EYS: variants seen among roughly 807,000 people sequenced by gnomAD.
The protein encoded by EYS is protein eyes shut homolog.
Under a neutral mutation model 282.1 loss-of-function variants are expected in EYS, and 250 were observed. The observed-to-expected ratio is 0.89, with a 90% CI of 0.80 to 0.98. The LOEUF is 0.98. Among genes scored for constraint, EYS ranks in the 50% least tolerant of loss-of-function variants. The pLI, the probability that EYS is intolerant of heterozygous loss-of-function variation, is 0.00. For missense variants in EYS, 4,016 were observed against 3,709.0 expected (o/e 1.08, Z -2.15); for synonymous variants, 1,355 against 1,282.9 (o/e 1.06, Z -1.20).
At chr6:65,371,980 T>C (rs185506229) in intron 8 of EYS, among the ~76,000 whole-genome samples, 72 of 122,616 alleles carry the variant, frequency 5.9e-4, no homozygotes, top group African/African-American at 2.1e-3. Flanking sequence ...GTCACTCTTG[T>C]TGAGGATAAT....
chr6:64,996,503 T>G (rs185943550), intron 14 of EYS, among the ~76,000 whole-genome samples: 3 of 152,292 alleles, frequency 2.0e-5, no homozygotes, highest in South Asian at 4.1e-4. Context: ...TAGTGTCACA[T>G]GTCCACTTCT....
In EYS at chr6:64,959,337, A is replaced by T. The variant is rs9363298; in HGVS notation, c.2260-13423T>A. ...TGTAGAATGTGTTATTATTGACATA[A>T]TCATTACTCCTCTCCTCAGAGTAAT... On this transcript the variant is annotated intron_variant, in intron 14 of 42. Transcript: ENST00000503581. Among the ~76,000 whole-genome samples the T allele has an allele frequency of 9.8e-5, 15 of 152,314 alleles. No individual in the cohort carries two copies. The East Asian group carries it at 2.9e-3, about 29-fold the overall frequency.
At chr6:64,710,774 A>T (rs1771184824) in intron 22 of EYS, among the ~76,000 whole-genome samples, 1 of 152,256 alleles carries the variant, frequency 6.6e-6, no homozygotes, top group Non-Finnish European at 1.5e-5. Flanking sequence ...TGATTGGGGC[A>T]GATTGCCATT....
chr6:64,658,148 G>T (rs976179567), intron 22 of EYS, among the ~76,000 whole-genome samples: 16 of 152,086 alleles, frequency 1.1e-4, no homozygotes, highest in Admixed American at 8.5e-4. Flanking sequence ...TAACAAATCG[G>T]CTACTGAGGC....
At chr6:64,663,788 G>T (rs1769129230) in intron 22 of EYS, among the ~76,000 whole-genome samples, 1 of 152,164 alleles carries the variant, frequency 6.6e-6, no homozygotes, top group Admixed American at 6.5e-5. Context: ...CAAGCCTCTT[G>T]CACTCTGACC....
At chr6:64,186,344 T>C (rs929724607) in intron 31 of EYS, among the ~76,000 whole-genome samples, 1 of 151,882 alleles carries the variant, frequency 6.6e-6, no homozygotes, top group Non-Finnish European at 1.5e-5. Flanking sequence ...GGGAGCCAAA[T>C]GCAATATACA....
At chr6:63,838,709 T>C (rs1771872494) in intron 36 of EYS, among the ~76,000 whole-genome samples, 1 of 152,138 alleles carries the variant, frequency 6.6e-6, no homozygotes. Context: ...GATAAGGCCT[T>C]TTCTCCTAAA....
intron 2 of EYS, among the ~76,000 whole-genome samples, chr6:65,560,960 G>C (rs974578390): frequency 1.7e-4 from 26 of 151,874 alleles, no homozygotes; most frequent in Non-Finnish European, 1.3e-4. Context: ...AGACCTATTG[G>C]TACTTTGTTA....
intron 31 of EYS, among the ~76,000 whole-genome samples, chr6:64,217,602 GATA>G (rs1326750000): frequency 6.6e-6 from 1 of 151,934 alleles, no homozygotes. Flanking sequence ...TTTACATCTT[GATA>G]ATAATGTGTT....
At chr6:65,046,871 C>T (rs1006855062) in intron 13 of EYS, among the ~76,000 whole-genome samples, 15 of 151,914 alleles carry the variant, frequency 9.9e-5, no homozygotes, top group Middle Eastern at 3.4e-3. Flanking sequence ...AAATGGCTTT[C>T]GTCACCCCTT....
intron 33 of EYS, among the ~76,000 whole-genome samples, chr6:64,062,335 C>T (rs187762611): frequency 8.5e-4 from 129 of 152,314 alleles, no homozygotes; most frequent in African/African-American, 3.0e-3. Flanking sequence ...TCTATTTTCC[C>T]TGCCCTCTGG....
chr6:64,816,355 G>T (rs555274202), intron 21 of EYS, among the ~76,000 whole-genome samples: 2 of 152,226 alleles, frequency 1.3e-5, no homozygotes, highest in Non-Finnish European at 1.5e-5. Flanking sequence ...CAAGCTGCAG[G>T]ATTGGGCAAT....
chr6:65,310,546 C>T (rs1769129004), intron 11 of EYS, among the ~76,000 whole-genome samples: 1 of 152,000 alleles, frequency 6.6e-6, no homozygotes. Flanking sequence ...AATAAAAAAA[C>T]CCAAACTCTT....
chr6:65,456,034 AAAG>A (rs1435055360), intron 5 of EYS, among the ~76,000 whole-genome samples: 1 of 119,314 alleles, frequency 8.4e-6, no homozygotes, highest in Admixed American at 8.4e-5. Flanking sequence ...GGAAGGGAAG[AAAG>A]AAAGAAAGAG....
At chr6:64,048,912 C>G (rs1348781058) in intron 33 of EYS, among the ~76,000 whole-genome samples, 2 of 152,006 alleles carry the variant, frequency 1.3e-5, no homozygotes, top group South Asian at 2.1e-4. Context: ...TCTTTTCCCC[C>G]CCTAGATGTT....
chr6:64,286,018 A>G (rs1768486933), intron 30 of EYS, among the ~76,000 whole-genome samples: 1 of 152,196 alleles, frequency 6.6e-6, no homozygotes, highest in Non-Finnish European at 1.5e-5. Context: ...AAATGGACAA[A>G]TAGGATATGC....
chr6:65,177,702 AT>A lies in EYS; in HGVS notation c.2023+118160del, dbSNP rs992588943. On this transcript the variant is annotated intron_variant, in intron 12 of 42. Transcript: ENST00000503581. Reference sequence around the variant, plus strand: ...GTTTCTCTAAATGGACAAATGAACAATTTTTTTTTCATGTTGGCAAATTTTA... The same window carrying A: ...GTTTCTCTAAATGGACAAATGAACAATTTTTTTTCATGTTGGCAAATTTTA... Among the ~76,000 whole-genome samples, 152 of 150,926 alleles carry A rather than the reference AT, an allele frequency of 1.0e-3. 1 individual carries two copies. The highest frequency in any genetic ancestry group is 3.4e-3 in the African/African-American group (142 of 41,234).
intron 12 of EYS, among the ~76,000 whole-genome samples, chr6:65,283,847 T>G (rs566830374): frequency 1.3e-5 from 2 of 152,112 alleles, no homozygotes; most frequent in African/African-American, 2.4e-5. Flanking sequence ...ATGGGCTGTA[T>G]TTGAGCTTTG....
intron 26 of EYS, among the ~76,000 whole-genome samples, chr6:64,478,227 T>C (rs556962147): frequency 6.6e-6 from 1 of 152,008 alleles, no homozygotes; most frequent in Non-Finnish European, 1.5e-5. Context: ...TGCAATTTTA[T>C]TAATATATTA....
Sources: gnomAD v4.1 joint callset for allele counts (sites outside exome capture counted in the v4.1 genomes callset) on GRCh38, gnomAD v4.1.1 for gene constraint, MANE v1.5 for transcripts, NCBI Gene and HGNC (gene_info 2026-07-23, HGNC 2026-07-21) for gene names.